The following SETD2 variants were observed in gnomAD, a reference collection of about 807,000 sequenced individuals.
SETD2 encodes histone-lysine N-methyltransferase SETD2.
SETD2 carries 31 observed loss-of-function variants against 242.1 expected under a neutral mutation model. That is an observed-to-expected ratio of 0.13 (90% CI 0.10 to 0.17). SETD2 has a LOEUF of 0.17. Among genes scored for constraint, SETD2 ranks in the 10% least tolerant of loss-of-function variants. The probability of loss-of-function intolerance (pLI) is 1.00; values close to 1 mark genes in which losing one functional copy is unlikely to be tolerated. For synonymous variants in SETD2, 1,006 were observed against 1,066.5 expected (o/e 0.94, Z 1.11); for missense variants, 2,481 against 3,046.3 (o/e 0.81, Z 4.37).
intron 1 of SETD2, among the ~76,000 whole-genome samples, chr3:47,149,283 G>A (rs2043930936): frequency 6.6e-6 from 1 of 152,182 alleles, no homozygotes; most frequent in Non-Finnish European, 1.5e-5. Flanking sequence ...AGCACAACCT[G>A]TATGTCTTTG....
rs60828763 is a variant in SETD2 at position 47,037,781 on chromosome 3, G to T, written c.7239-4C>A. On this transcript the variant is annotated splice_polypyrimidine_tract_variant and splice_region_variant and intron_variant, in intron 17 of 20. Transcript: ENST00000409792. ...AGGAGGATCCCACTGAGTCTGCCTA[G>T]AAAGAGACAAAAACAGCCATGCTGT... 1 of 1,610,034 alleles carries T rather than the reference G, an allele frequency of 6.2e-7. No individual in the cohort carries two copies. The highest frequency in any genetic ancestry group is 1.1e-5 in the South Asian group (1 of 90,994).
chr3:47,068,501 T>TA (rs1260708619), intron 12 of SETD2, among the ~76,000 whole-genome samples: 2 of 148,786 alleles, frequency 1.3e-5, no homozygotes, highest in Non-Finnish European at 3.0e-5. Context: ...ATCTTTTTTT[T>TA]TTTTTTTTTT....
chr3:47,031,912 A>G (rs920139322), intron 18 of SETD2, among the ~76,000 whole-genome samples: 3 of 152,334 alleles, frequency 2.0e-5, no homozygotes, highest in African/African-American at 7.2e-5. Flanking sequence ...TTTTTTGTGA[A>G]AAGTAACTGT....
intron 18 of SETD2, among the ~76,000 whole-genome samples, chr3:47,021,976 G>A (rs1378096457): frequency 2.6e-5 from 4 of 151,840 alleles, no homozygotes; most frequent in East Asian, 1.9e-4. Flanking sequence ...GTGAAACCTC[G>A]TCTCTACTAA....
chr3:47,104,617 G>A (rs2042338913), intron 6 of SETD2, among the ~76,000 whole-genome samples: 1 of 152,038 alleles, frequency 6.6e-6, no homozygotes, highest in Non-Finnish European at 1.5e-5. Context: ...TTACAGTTAA[G>A]TCCTCACTTA....
Position 47,042,657 on chromosome 3 carries a change from G to T in SETD2, c.7142C>A (p.Pro2381His), listed in dbSNP as rs2039334411. 1.2e-6 allele frequency: 2 copies of T among 1,612,116 alleles called. No homozygotes were observed. Residue 2381 changes from proline to histidine, a missense_variant, in exon 17 of 21, where the codon CCC becomes CAC. Coordinates refer to ENST00000409792, the MANE Select transcript of SETD2 (RefSeq NM_014159.7). ...VTNNLLDLPP[P>H]SPPKPKTIVL... ...AATGGTTTTTGGTTTGGGAGGAGAG[G>T]GGGGCGGCAGATCCAAGAGATTATT...
intron 1 of SETD2, among the ~76,000 whole-genome samples, chr3:47,140,062 T>C (rs1393302488): frequency 6.6e-6 from 1 of 152,212 alleles, no homozygotes. Context: ...AATGTGGAAT[T>C]ACTACACAAG....
chr3:47,096,221 C>T (rs1438386737), intron 9 of SETD2, among the ~76,000 whole-genome samples: 3 of 152,172 alleles, frequency 2.0e-5, no homozygotes, highest in East Asian at 1.9e-4. Flanking sequence ...AGACAAGATG[C>T]TGGATTGGAG....
chr3:47,116,803 A>C (rs763869245), intron 3 of SETD2, 49 bp from the exon 4 acceptor site: 4 of 1,326,726 alleles, frequency 3.0e-6, no homozygotes, highest in Non-Finnish European at 4.3e-6. Context: ...TTCCTGGTAA[A>C]GATATAACAT....
At chr3:47,138,372 C>T (rs559234937) in intron 1 of SETD2, 16 of 191,810 alleles carry the variant, frequency 8.3e-5, no homozygotes, top group South Asian at 1.4e-4. Flanking sequence ...TGGGTTCAAG[C>T]GAATCTCCTG....
intron 17 of SETD2, among the ~76,000 whole-genome samples, chr3:47,040,552 T>C (rs1260706466): frequency 1.4e-5 from 2 of 146,074 alleles, no homozygotes; most frequent in East Asian, 4.0e-4. Flanking sequence ...TTAAAATAGA[T>C]GACATGAGGG....
rs550997122 is a variant in SETD2 at position 47,037,820 on chromosome 3, C to CA, written c.7239-44dup. On this transcript the variant is annotated intron_variant, in intron 17 of 20. Coordinates refer to ENST00000409792, the MANE Select transcript of SETD2 (RefSeq NM_014159.7). Reference sequence around the variant, plus strand: ...CAGCCATGCTGTCAGGGCTAGGAAACAGAGAATCCTGACATAAACATCACT... The same window carrying CA: ...CAGCCATGCTGTCAGGGCTAGGAAACAAGAGAATCCTGACATAAACATCACT... The CA allele has an allele frequency of 6.8e-4, 932 of 1,379,540 alleles. 3 individuals carry two copies. Among genetic ancestry groups the CA allele is most frequent in the Admixed American group, 1.0e-3 (60 of 59,500 alleles). The allele number at this position is 1,379,540 out of a possible 1,614,324, so 85.5% of individuals were successfully genotyped here.
chr3:47,067,239 T>C, intron 12 of SETD2, 121 bp from the exon 13 acceptor site: 1 of 760,762 alleles, frequency 1.3e-6, no homozygotes, highest in South Asian at 1.7e-5. Flanking sequence ...ACTTATTCTC[T>C]AAAATTTGAC....
At chr3:47,145,304 C>A (rs1196866501) in intron 1 of SETD2, among the ~76,000 whole-genome samples, 1 of 152,166 alleles carries the variant, frequency 6.6e-6, no homozygotes, top group East Asian at 1.9e-4. Flanking sequence ...GTTTCATATA[C>A]CCCTTATACA....
rs151074357 is a variant in SETD2, at chr3:47,034,978, T to C, written c.7350+2688A>G. On this transcript the variant is annotated intron_variant, in intron 18 of 20. Coordinates refer to ENST00000409792, the MANE Select transcript of SETD2 (RefSeq NM_014159.7). The stretch of plus-strand genomic sequence containing the variant: ...TAATTCAGGCATTGCCTTTTGGATA[T>C]AATACTTTCAAGAGCCTACTCCCCA... Among the ~76,000 whole-genome samples the C allele has an allele frequency of 4.4e-4, 67 of 152,314 alleles. 1 individual carries two copies. The highest frequency in any genetic ancestry group is 1.6e-3 in the African/African-American group (65 of 41,570).
At chr3:47,104,824 C>T (rs1006930270) in intron 6 of SETD2, among the ~76,000 whole-genome samples, 8 of 152,200 alleles carry the variant, frequency 5.3e-5, no homozygotes, top group Non-Finnish European at 1.0e-4. Context: ...GTAATCCCAA[C>T]GCTCTGGGAG....
At chr3:47,132,103 T>G (rs1426485598) in intron 1 of SETD2, among the ~76,000 whole-genome samples, 1 of 151,848 alleles carries the variant, frequency 6.6e-6, no homozygotes, top group Non-Finnish European at 1.5e-5. Flanking sequence ...TTCGAAAACT[T>G]TGTGTGCATA....
intron 1 of SETD2, among the ~76,000 whole-genome samples, chr3:47,160,073 G>T (rs1697444408): frequency 6.6e-6 from 1 of 151,780 alleles, no homozygotes; most frequent in South Asian, 2.1e-4. Context: ...AAACTCACAG[G>T]TCTGCCTCAA....
At chr3:47,039,524 T>C (rs895429411) in intron 17 of SETD2, among the ~76,000 whole-genome samples, 2 of 151,996 alleles carry the variant, frequency 1.3e-5, no homozygotes, top group Non-Finnish European at 2.9e-5. Context: ...AAACTTTTTT[T>C]ATTTTTGGAA....
Sources: allele counts gnomAD v4.1 joint callset (sites outside exome capture counted in the v4.1 genomes callset), GRCh38; gene constraint gnomAD v4.1.1; transcripts MANE v1.5; gene names NCBI Gene and HGNC (gene_info 2026-07-23, HGNC 2026-07-21).